NXPH1: variants seen among roughly 807,000 people sequenced by gnomAD.
NXPH1 encodes neurexophilin-1.
NXPH1 carries 5 observed loss-of-function variants against 23.7 expected under a neutral mutation model. The ratio of observed to expected loss-of-function variants is 0.21; its 90% CI spans 0.11 to 0.44. The LOEUF (loss-of-function observed/expected upper bound fraction) is 0.44. NXPH1 is among the 20% of genes least tolerant of loss of function. The probability of loss-of-function intolerance (pLI) is 0.99; values close to 1 mark genes in which losing one functional copy is unlikely to be tolerated. For synonymous variants in NXPH1, 144 were observed against 122.2 expected (o/e 1.18, Z -1.18); for missense variants, 324 against 321.6 (o/e 1.01, Z -0.06).
intron 2 of NXPH1, among the ~76,000 whole-genome samples, chr7:8,728,536 T>G (rs1354349741): frequency 6.6e-6 from 1 of 152,050 alleles, no homozygotes; most frequent in Non-Finnish European, 1.5e-5. Flanking sequence ...TTATTGAGAG[T>G]TTTTAGCATG....
chr7:8,518,490 C>A (rs1053997484), intron 2 of NXPH1, among the ~76,000 whole-genome samples: 3 of 152,110 alleles, frequency 2.0e-5, no homozygotes, highest in African/African-American at 7.2e-5. Context: ...CTCCAAGTAG[C>A]TTTCCGTCCC....
intron 2 of NXPH1, among the ~76,000 whole-genome samples, chr7:8,447,067 G>A (rs1250876736): frequency 1.3e-5 from 2 of 152,118 alleles, no homozygotes; most frequent in Non-Finnish European, 2.9e-5. Context: ...GGCTATATGA[G>A]ACCTGTTATA....
chr7:8,678,928 A>ATTTTTT lies in NXPH1; in HGVS notation c.55-72050_55-72045dup, dbSNP rs540056222. Among the ~76,000 whole-genome samples, 416 of 68,790 alleles carry ATTTTTT rather than the reference A, an allele frequency of 6.0e-3. 34 individuals carry two copies. Among genetic ancestry groups the ATTTTTT allele is most frequent in the African/African-American group, 0.01 (140 of 13,554 alleles). The allele number at this position is 68,790 out of a possible 152,430, so 45.1% of individuals were successfully genotyped here. ...TCTAGATTTATCTTTGCTTTATCCA[A>ATTTTTT]TTTTTTTTTTTTTTTTTTTTTTTTT... On this transcript the variant is annotated intron_variant, in intron 2 of 2. Coordinates refer to ENST00000405863, the MANE Select transcript of NXPH1 (RefSeq NM_152745.3).
chr7:8,641,640 A>G (rs147335172), intron 2 of NXPH1, among the ~76,000 whole-genome samples: 42 of 152,104 alleles, frequency 2.8e-4, no homozygotes, highest in African/African-American at 6.3e-4. Flanking sequence ...TTCATTAGCC[A>G]TTGCTTATGG....
rs1200933258 is a variant in NXPH1 at position 8,745,690 on chromosome 7, C to G, written c.55-5318C>G. ...GCCTCTGCCTCCCTAGTTGCTGGGA[C>G]TACAGGCATGTGCCACCACGCCCAG... On this transcript the variant is annotated intron_variant, in intron 2 of 2. Transcript: ENST00000405863. Among the ~76,000 whole-genome samples, 9 of 148,880 alleles carry G rather than the reference C, an allele frequency of 6.0e-5. No homozygotes were observed. In the East Asian group the frequency reaches 1.4e-3, roughly 23 times the overall value.
intron 2 of NXPH1, among the ~76,000 whole-genome samples, chr7:8,562,201 C>T (rs1056140671): frequency 6.6e-6 from 1 of 151,618 alleles, no homozygotes; most frequent in Non-Finnish European, 1.5e-5. Flanking sequence ...ACATTTTTAA[C>T]CATTATACGT....
At chr7:8,700,585 T>G (rs1160675955) in intron 2 of NXPH1, among the ~76,000 whole-genome samples, 2 of 152,194 alleles carry the variant, frequency 1.3e-5, no homozygotes, top group African/African-American at 4.8e-5. Context: ...TAAAAAGTAC[T>G]TTAAAAGCAG....
chr7:8,604,133 A>T (rs1819424736), intron 2 of NXPH1, among the ~76,000 whole-genome samples: 2 of 152,100 alleles, frequency 1.3e-5, no homozygotes, highest in African/African-American at 4.8e-5. Flanking sequence ...AGCTGCCCTT[A>T]ATGTTGGTGG....
chr7:8,615,468 C>G (rs1819714762), intron 2 of NXPH1, among the ~76,000 whole-genome samples: 1 of 151,922 alleles, frequency 6.6e-6, no homozygotes, highest in Admixed American at 6.6e-5. Context: ...TTAGGTGTTA[C>G]TGCTATCTCT....
chr7:8,735,667 G>A lies in NXPH1; in HGVS notation c.55-15341G>A, dbSNP rs577483166. ...CTGGCCTCATAAAATGAGTTAGGGA[G>A]GACTCCCTCTTTTTCTGTTGTTTGG... On this transcript the variant is annotated intron_variant, in intron 2 of 2. Transcript: ENST00000405863. Among the ~76,000 whole-genome samples, 175 of 152,200 alleles carry A rather than the reference G, an allele frequency of 1.1e-3. 1 individual carries two copies. Among genetic ancestry groups the A allele is most frequent in the Non-Finnish European group, 2.0e-3 (137 of 68,010 alleles).
intron 2 of NXPH1, among the ~76,000 whole-genome samples, chr7:8,652,960 GA>G (rs34149016): frequency 0.67 from 101,477 of 151,532 alleles, 34,431 homozygotes; most frequent in East Asian, 0.83. Flanking sequence ...TGTTAACACA[GA>G]AAAATATAGG....
intron 2 of NXPH1, among the ~76,000 whole-genome samples, chr7:8,657,332 G>A (rs1032634213): frequency 1.3e-5 from 2 of 152,338 alleles, no homozygotes; most frequent in East Asian, 3.9e-4. Context: ...TTGTCAGGGC[G>A]GTTGGATTTG....
chr7:8,472,000 T>A (rs1018551887), intron 2 of NXPH1, among the ~76,000 whole-genome samples: 5 of 151,658 alleles, frequency 3.3e-5, no homozygotes, highest in African/African-American at 1.2e-4. Context: ...CCATAAAAAT[T>A]TAAAATATAA....
chr7:8,466,112 C>T (rs953230402), intron 2 of NXPH1, among the ~76,000 whole-genome samples: 1 of 152,146 alleles, frequency 6.6e-6, no homozygotes, highest in Non-Finnish European at 1.5e-5. Flanking sequence ...TCTCTTGACC[C>T]TCACTGACTT....
chr7:8,474,077 C>T (rs1448501384), intron 2 of NXPH1, among the ~76,000 whole-genome samples: 3 of 152,052 alleles, frequency 2.0e-5, no homozygotes, highest in East Asian at 1.9e-4. Flanking sequence ...GGTGGATAGC[C>T]AATTAACAGC....
At chr7:8,709,980 T>C (rs1446258561) in intron 2 of NXPH1, among the ~76,000 whole-genome samples, 1 of 152,166 alleles carries the variant, frequency 6.6e-6, no homozygotes, top group Non-Finnish European at 1.5e-5. Context: ...AAGTTATACA[T>C]GCTAAGAGAG....
intron 2 of NXPH1, among the ~76,000 whole-genome samples, chr7:8,615,500 G>A (rs950039436): frequency 2.0e-5 from 3 of 152,136 alleles, no homozygotes; most frequent in South Asian, 2.1e-4. Flanking sequence ...ACTTCCCTCA[G>A]ATGGGAGGGC....
chr7:8,652,922 T>C (rs1260707240), intron 2 of NXPH1, among the ~76,000 whole-genome samples: 1 of 151,734 alleles, frequency 6.6e-6, no homozygotes, highest in Non-Finnish European at 1.5e-5. Context: ...AAGAGACTTC[T>C]TTCTGCTTTG....
intron 2 of NXPH1, among the ~76,000 whole-genome samples, chr7:8,638,867 A>T (rs1820260548): frequency 6.6e-6 from 1 of 152,104 alleles, no homozygotes; most frequent in Non-Finnish European, 1.5e-5. Context: ...AGTGGTTACG[A>T]TCTTTGGGGA....
Sources: gnomAD v4.1 joint callset for allele counts (sites outside exome capture counted in the v4.1 genomes callset) on GRCh38, gnomAD v4.1.1 for gene constraint, MANE v1.5 for transcripts, NCBI Gene and HGNC (gene_info 2026-07-23, HGNC 2026-07-21) for gene names.